The following VPS53 variants were observed in gnomAD, a reference collection of about 807,000 sequenced individuals.
VPS53 encodes VPS53 subunit of GARP complex, also known as vacuolar protein sorting-associated protein 53 homolog.
VPS53 carries 70 observed loss-of-function variants against 107.0 expected under a neutral mutation model. That is an observed-to-expected ratio of 0.65 (90% confidence interval 0.54 to 0.80). VPS53 has a LOEUF of 0.80. Among genes scored for constraint, VPS53 ranks in the 30% least tolerant of loss-of-function variants. VPS53 has a pLI of 0.00. For missense variants in VPS53, 917 were observed against 1,049.4 expected (o/e 0.87, Z 1.74); for synonymous variants, 409 against 393.3 (o/e 1.04, Z -0.47).
At chr17:532,623 G>T in intron 19 of VPS53, 1 of 1,246,576 alleles carries the variant, frequency 8.0e-7, no homozygotes, top group Non-Finnish European at 1.1e-6. Flanking sequence ...TGCTTGCTGT[G>T]TTATACCCTG....
At chr17:592,186 G>C (rs536817537) in intron 12 of VPS53, among the ~76,000 whole-genome samples, 9 of 152,288 alleles carry the variant, frequency 5.9e-5, no homozygotes, top group South Asian at 2.1e-4. Flanking sequence ...TTTAAAGTCT[G>C]TTTTATGAGA....
rs142136561 is a variant in VPS53 at position 617,407 on chromosome 17, C to T, written c.1116+6126G>A. Among the ~76,000 whole-genome samples the T allele has an allele frequency of 6.1e-3, 932 of 152,308 alleles. 8 individuals are homozygous for T. The highest frequency in any genetic ancestry group is 0.01 in the Middle Eastern group (3 of 294). On this transcript the variant is annotated intron_variant, in intron 11 of 21. Coordinates refer to ENST00000437048, the MANE Select transcript of VPS53 (RefSeq NM_001128159.3). Reference sequence around the variant, plus strand: ...GGGATCTCTGTTCCTATTTCCTTTCCTTTTCTGTTTTTTTGAGACAGTCTC... The same window carrying T: ...GGGATCTCTGTTCCTATTTCCTTTCTTTTTCTGTTTTTTTGAGACAGTCTC...
At chr17:630,915 G>A (rs551848936) in intron 8 of VPS53, among the ~76,000 whole-genome samples, 11 of 152,246 alleles carry the variant, frequency 7.2e-5, no homozygotes, top group South Asian at 2.1e-4. Flanking sequence ...CATGCTAGGC[G>A]CTAAGATGGC....
At chr17:570,038 C>T (rs1281737767) in intron 13 of VPS53, among the ~76,000 whole-genome samples, 1 of 151,370 alleles carries the variant, frequency 6.6e-6, no homozygotes, top group African/African-American at 2.4e-5. Context: ...AATAGAGATA[C>T]CCAGTAGAGA....
intron 4 of VPS53, 101 bp downstream of exon 4, chr17:697,317 A>G (rs947820306): frequency 2.0e-6 from 2 of 990,516 alleles, no homozygotes; most frequent in Non-Finnish European, 3.2e-6. Flanking sequence ...AAACGGATCA[A>G]TCGGAAAGTG....
intron 4 of VPS53, among the ~76,000 whole-genome samples, chr17:680,509 TAAAC>T (rs931628221): frequency 5.3e-5 from 8 of 152,086 alleles, no homozygotes; most frequent in Non-Finnish European, 8.8e-5. Context: ...AAAAAAAACT[TAAAC>T]AAATCAACAA....
rs750009507 is a variant in VPS53, at chr17:618,263, G to GCCA, written c.1116+5269_1116+5270insTGG. On this transcript the variant is annotated intron_variant, in intron 11 of 21. Transcript: ENST00000437048. ...ACTACAGGCGTGCACCACCACGCCT[G>GCCA]CTAATATTTCCCGGGTAGCTGGGAC... is the stretch of plus-strand genomic sequence containing the variant. Among the ~76,000 whole-genome samples, 8 of 70,548 alleles carry GCCA rather than the reference G, an allele frequency of 1.1e-4. 1 individual carries two copies. Among genetic ancestry groups the GCCA allele is most frequent in the Admixed American group, 3.2e-4 (2 of 6,322 alleles). The allele number at this position is 70,548 out of a possible 152,430, so 46.3% of individuals were successfully genotyped here.
intron 4 of VPS53, among the ~76,000 whole-genome samples, chr17:693,287 A>C (rs781659090): frequency 6.6e-6 from 1 of 152,182 alleles, no homozygotes; most frequent in Non-Finnish European, 1.5e-5. Flanking sequence ...ATTGTGGTGA[A>C]TCTCTTACTG....
At chr17:686,019 C>G (rs1045689422) in intron 4 of VPS53, among the ~76,000 whole-genome samples, 5 of 147,628 alleles carry the variant, frequency 3.4e-5, no homozygotes, top group African/African-American at 1.0e-4. Context: ...AAAAAAAAAA[C>G]AGAGAGAGAA....
rs1907922743 is a variant in VPS53, at chr17:511,191, G to A, written c.*7937C>T. Reference sequence around the variant, plus strand: ...GATTTTGTGAAGAACCCTGTGGAATGTGGTCTCTGGCAGCTGAGAAGTGCC... The same window carrying A: ...GATTTTGTGAAGAACCCTGTGGAATATGGTCTCTGGCAGCTGAGAAGTGCC... On this transcript the variant is annotated 3_prime_UTR_variant, in exon 22 of 22. Transcript: ENST00000437048. 6.6e-6 allele frequency: 1 copy of A among 152,226 alleles called. No homozygotes were observed. The highest frequency in any genetic ancestry group is 1.5e-5 in the Non-Finnish European group (1 of 68,036). The allele number at this position is 152,226 out of a possible 1,614,324, so 9.4% of individuals were successfully genotyped here.
chr17:690,047 A>G (rs569773487), intron 4 of VPS53, among the ~76,000 whole-genome samples: 1 of 152,032 alleles, frequency 6.6e-6, no homozygotes, highest in South Asian at 2.1e-4. Flanking sequence ...GTGAGGAGGA[A>G]GAACAGGAAG....
chr17:533,843 CT>C (rs11286082), intron 18 of VPS53, among the ~76,000 whole-genome samples: 60,637 of 147,086 alleles, frequency 0.41, 12,245 homozygotes, highest in South Asian at 0.54. Context: ...AAATCATAAA[CT>C]TTTTTTTTTT....
At chr17:678,082 C>T (rs2143762731) in intron 4 of VPS53, among the ~76,000 whole-genome samples, 1 of 152,152 alleles carries the variant, frequency 6.6e-6, no homozygotes. Context: ...GATTTTATCA[C>T]TGCACTGAAG....
At chr17:714,398 G>T in intron 1 of VPS53, 1 of 563,074 alleles carries the variant, frequency 1.8e-6, no homozygotes, top group Non-Finnish European at 3.1e-6. Context: ...AAAACCACCA[G>T]AACCCCCAGC....
intron 12 of VPS53, among the ~76,000 whole-genome samples, chr17:588,467 T>C (rs1242227907): frequency 6.6e-6 from 1 of 152,222 alleles, no homozygotes; most frequent in Non-Finnish European, 1.5e-5. Flanking sequence ...AAATTTTTTT[T>C]TAAATAACAC....
intron 18 of VPS53, 67 bp downstream of exon 18, chr17:536,961 C>G: frequency 6.3e-7 from 1 of 1,578,572 alleles, no homozygotes; most frequent in Non-Finnish European, 8.6e-7. Flanking sequence ...GAACCTGAAA[C>G]TGTTCTAAAA....
intron 7 of VPS53, among the ~76,000 whole-genome samples, chr17:635,092 C>A (rs1970137467): frequency 6.6e-6 from 1 of 152,200 alleles, no homozygotes; most frequent in African/African-American, 2.4e-5. Flanking sequence ...ACCATTCTAA[C>A]TGGTGTGAGA....
intron 7 of VPS53, among the ~76,000 whole-genome samples, chr17:643,816 C>T (rs1218813441): frequency 1.3e-5 from 2 of 152,204 alleles, no homozygotes; most frequent in African/African-American, 2.4e-5. Flanking sequence ...CTGAGGACAA[C>T]ACTCATACTT....
chr17:587,476 A>G (rs1169272471), intron 12 of VPS53, among the ~76,000 whole-genome samples: 1 of 152,184 alleles, frequency 6.6e-6, no homozygotes, highest in Non-Finnish European at 1.5e-5. Flanking sequence ...AGAGAGAGAG[A>G]CAGGCAGGCA....
Sources: allele counts gnomAD v4.1 joint callset (sites outside exome capture counted in the v4.1 genomes callset), GRCh38; gene constraint gnomAD v4.1.1; transcripts MANE v1.5; gene names NCBI Gene and HGNC (gene_info 2026-07-23, HGNC 2026-07-21).